The following CUL7 variants were observed in gnomAD, a reference collection of about 807,000 sequenced individuals.
CUL7 encodes cullin-7.
Under a neutral mutation model 177.7 loss-of-function variants are expected in CUL7, and 96 were observed. The ratio of observed to expected loss-of-function variants is 0.54; its 90% CI spans 0.46 to 0.64. The LOEUF (loss-of-function observed/expected upper bound fraction) is 0.64, where lower values mean the gene tolerates loss of function less well. CUL7 is among the 30% of genes least tolerant of loss of function. The pLI is 0.00. For missense variants in CUL7, 1,893 were observed against 2,187.9 expected (o/e 0.87, Z 2.69); for synonymous variants, 824 against 890.2 (o/e 0.93, Z 1.32).
In CUL7 at chr6:43,038,252, C is replaced by A. The variant is rs1384964923; in HGVS notation, c.4773+15G>T. The stretch of plus-strand genomic sequence containing the variant: ...CAGCAAAGATCTGTCACCCATTGTG[C>A]CCACCCCTGCCTACCAGACAGACAA... On this transcript the variant is annotated intron_variant, in intron 25 of 25. Transcript: ENST00000265348. The A allele has an allele frequency of 6.2e-7, 1 of 1,613,560 alleles. No homozygotes were observed. Among genetic ancestry groups the A allele is most frequent in the African/African-American group, 1.3e-5 (1 of 74,906 alleles).
Position 43,049,935 on chromosome 6 carries a change from C to T in CUL7, c.1569+28G>A, listed in dbSNP as rs1325012718. 8 of 1,605,206 alleles carry T rather than the reference C, an allele frequency of 5.0e-6. No homozygotes were observed. The Admixed American group carries it at 5.0e-5, about 10-fold the overall frequency. On this transcript the variant is annotated intron_variant, in intron 6 of 25. Coordinates refer to ENST00000265348, the MANE Select transcript of CUL7 (RefSeq NM_014780.5). ...CAGCCCTTGCAATAGAGCCCTCCAA[C>T]CTCTGAGTGTCTCCAGGCTGGCTCT...
chr6:43,046,464 C>T, intron 11 of CUL7, 47 bp downstream of exon 11: 3 of 1,614,110 alleles, frequency 1.9e-6, no homozygotes, highest in Non-Finnish European at 1.7e-6. Context: ...AGAGGGGAAA[C>T]AGACATAGGT....
At position 43,048,159 on chromosome 6, in the gene CUL7, T is replaced by C. The variant is rs1581944836; in HGVS notation, c.2158A>G (p.Thr720Ala). 4 of 1,611,020 alleles carry C rather than the reference T, an allele frequency of 2.5e-6. No individual in the cohort carries two copies. Among genetic ancestry groups the C allele is most frequent in the South Asian group, 1.1e-5 (1 of 90,994 alleles). ...ACMACLRSPN[T>A]DREVLQELIF... ...CAGGGCAGGGGTACCTCTCGATCAG[T>C]GTTTGGGGACCGCAGGCAGGCCATG... Residue 720 changes from threonine (T) to alanine (A), a missense_variant, in exon 9 of 26, where the codon ACT (threonine) becomes GCT (alanine). Thr to Ala is a moderately conservative substitution (Grantham distance 58). This residue lies in a region of CUL7 where 973 missense variants were observed against 1,140.9 expected (regional missense o/e 0.85). Transcript: ENST00000265348.
At position 43,051,514 on chromosome 6, in the gene CUL7, A is replaced by G. The variant is rs927579582; in HGVS notation, c.733-46T>C. On this transcript the variant is annotated intron_variant, in intron 3 of 25. Transcript: ENST00000265348. This position sits in a 1 kb window ranked among gnomAD's most constrained non-coding sequence, Gnocchi z 5.0. Reference sequence around the variant, plus strand: ...CCTATATCCACCTTGTCCCAGTTTAAGCCCCTCTCTCCATACCATCCTCTG... The same window carrying G: ...CCTATATCCACCTTGTCCCAGTTTAGGCCCCTCTCTCCATACCATCCTCTG... 6.2e-7 allele frequency: 1 copy of G among 1,613,860 alleles called. No individual in the cohort carries two copies. Among genetic ancestry groups the G allele is most frequent in the African/African-American group, 1.3e-5 (1 of 74,898 alleles).
chr6:43,045,036 C>T lies in CUL7; in HGVS notation c.3039-151G>A. Reference sequence around the variant, plus strand: ...CTGCTCTGTGCTAACTGGTATATCCCATTCCCAGCCCACTGGAGAAATCTT... The same window carrying T: ...CTGCTCTGTGCTAACTGGTATATCCTATTCCCAGCCCACTGGAGAAATCTT... On this transcript the variant is annotated intron_variant, in intron 15 of 25. Transcript: ENST00000265348. The surrounding 1 kb of genome is among the most constrained non-coding windows in gnomAD (Gnocchi z 4.8). 7.3e-7 allele frequency: 1 copy of T among 1,364,064 alleles called. No homozygotes were observed. Among genetic ancestry groups the T allele is most frequent in the Non-Finnish European group, 1.0e-6 (1 of 992,448 alleles). 84.5% of individuals were successfully genotyped at this position (1,364,064 alleles called of 1,614,324 possible).
Position 43,049,943 on chromosome 6 carries a change from T to C in CUL7, c.1569+20A>G. 6.2e-7 allele frequency: 1 copy of C among 1,608,386 alleles called. No individual in the cohort carries two copies. The highest frequency in any genetic ancestry group is 1.8e-4 in the Middle Eastern group (1 of 5,676). On this transcript the variant is annotated intron_variant, in intron 6 of 25. Coordinates refer to ENST00000265348, the MANE Select transcript of CUL7 (RefSeq NM_014780.5). ...GCAATAGAGCCCTCCAACCTCTGAG[T>C]GTCTCCAGGCTGGCTCTACCTCCCC... is the stretch of plus-strand genomic sequence containing the variant.
chr6:43,049,697 C>T, intron 6 of CUL7, 35 bp from the exon 7 acceptor site: 1 of 1,612,316 alleles, frequency 6.2e-7, no homozygotes, highest in Non-Finnish European at 8.5e-7. Flanking sequence ...TGCAGACAGC[C>T]CTGCCGACCC....
Position 43,045,495 on chromosome 6 carries a change from G to A in CUL7, c.2862+92C>T, listed in dbSNP as rs921909108. 4.1e-5 allele frequency: 66 copies of A among 1,612,498 alleles called. No individual in the cohort carries two copies. The highest frequency in any genetic ancestry group is 5.1e-5 in the Non-Finnish European group (60 of 1,178,842). On this transcript the variant is annotated intron_variant, in intron 14 of 25. Coordinates refer to ENST00000265348, the MANE Select transcript of CUL7 (RefSeq NM_014780.5). This position sits in a 1 kb window ranked among gnomAD's most constrained non-coding sequence, Gnocchi z 4.8. ...TCGAACCTCACCCCTGGAGCTGCTC[G>A]AGACCCAGGCTGGTCCTCTGGCTTA...
At chr6:43,041,587 T>C (rs960818884) in intron 19 of CUL7, among the ~76,000 whole-genome samples, 1 of 143,164 alleles carries the variant, frequency 7.0e-6, no homozygotes, top group African/African-American at 2.6e-5. Flanking sequence ...TGGGAGGGAG[T>C]AAGACCCTGT....
chr6:43,051,589 C>A lies in CUL7; in HGVS notation c.732+23G>T, dbSNP rs138219791. ...CTAGATCTTGTTCACAAGTTCCCCC[C>A]ACCTTACACCCCCAAAGGTTACCTG... On this transcript the variant is annotated intron_variant, in intron 3 of 25. Transcript: ENST00000265348. This position sits in a 1 kb window ranked among gnomAD's most constrained non-coding sequence, Gnocchi z 5.0. 2,880 of 1,614,110 alleles carry A rather than the reference C, an allele frequency of 1.8e-3. 16 individuals carry two copies. Among genetic ancestry groups the A allele is most frequent in the Middle Eastern group, 0.014 (82 of 6,062 alleles).
intron 19 of CUL7, among the ~76,000 whole-genome samples, chr6:43,042,260 C>A (rs948182149): frequency 6.6e-6 from 1 of 152,130 alleles, no homozygotes; most frequent in African/African-American, 2.4e-5. Flanking sequence ...CAAGGAGCCT[C>A]ATGTTCCTGC....
In CUL7 at chr6:43,051,968, C is replaced by A. The variant is rs1764449696; in HGVS notation, c.581-205G>T. 3.3e-6 allele frequency: 3 copies of A among 916,692 alleles called. No individual in the cohort carries two copies. Among genetic ancestry groups the A allele is most frequent in the African/African-American group, 3.3e-5 (2 of 60,018 alleles). The allele number at this position is 916,692 out of a possible 1,614,324, so 56.8% of individuals were successfully genotyped here. ...TCTACAATAGTCTAAACTCTAAATT[C>A]TTCCTTTGCATAAAAAGCAACTAAT... On this transcript the variant is annotated intron_variant, in intron 2 of 25. Transcript: ENST00000265348. The surrounding 1 kb of genome is among the most constrained non-coding windows in gnomAD (Gnocchi z 5.0).
Position 43,048,134 on chromosome 6 carries a change from C to T in CUL7, c.2169+14G>A. 6 of 1,569,732 alleles carry T rather than the reference C, an allele frequency of 3.8e-6. No homozygotes were observed. The highest frequency in any genetic ancestry group is 5.3e-6 in the Non-Finnish European group (6 of 1,142,474). On this transcript the variant is annotated intron_variant, in intron 9 of 25. Transcript: ENST00000265348. ...CCTCTCCCCCAGCCTCTCCCCAGAG[C>T]AGGGCAGGGGTACCTCTCGATCAGT...
rs748671828 is a variant in CUL7 at position 43,046,030 on chromosome 6, A to C, written c.2722T>G (p.Cys908Gly). The C allele has an allele frequency of 3.2e-5, 51 of 1,613,944 alleles. No homozygotes were observed. Among genetic ancestry groups the C allele is most frequent in the Middle Eastern group, 1.6e-4 (1 of 6,084 alleles). Reference sequence around the variant, plus strand: ...AGAGAGCTAGTGCTATCACCCCCGCACACCACCACTCGGGCCGGCATGTAA... The same window carrying C: ...AGAGAGCTAGTGCTATCACCCCCGCCCACCACCACTCGGGCCGGCATGTAA... ...SSYMPARVVV[C>G]GGDSTSSLHT... The change falls in exon 13 of 26, where the codon TGC becomes GGC. Residue 908 changes from cysteine (C) to glycine (G), a missense_variant. Cys to Gly is a radical substitution (Grantham distance 159, BLOSUM62 -3). Coordinates refer to ENST00000265348, the MANE Select transcript of CUL7 (RefSeq NM_014780.5).
chr6:43,043,280 G>A lies in CUL7; in HGVS notation c.3356-100C>T, dbSNP rs1261666756. 5 of 1,210,266 alleles carry A rather than the reference G, an allele frequency of 4.1e-6. No individual in the cohort carries two copies. The highest frequency in any genetic ancestry group is 6.0e-6 in the Non-Finnish European group (5 of 831,708). The allele number at this position is 1,210,266 out of a possible 1,614,324, so 75.0% of individuals were successfully genotyped here. On this transcript the variant is annotated intron_variant, in intron 17 of 25. Coordinates refer to ENST00000265348, the MANE Select transcript of CUL7 (RefSeq NM_014780.5). This position sits in a 1 kb window ranked among gnomAD's most constrained non-coding sequence, Gnocchi z 4.2. ...TCCCTGAGGCCTTTCCTGACATGCT[G>A]CCACCCAAAATGATGTTCATGGATG...
chr6:43,037,990 C>T lies in CUL7; in HGVS notation c.4795G>A (p.Gly1599Ser). The T allele has an allele frequency of 6.3e-7, 1 of 1,593,838 alleles. No individual in the cohort carries two copies. Among genetic ancestry groups the T allele is most frequent in the East Asian group, 2.2e-5 (1 of 44,682 alleles). The change falls in exon 26 of 26, where the codon GGC (glycine) becomes AGC (serine). Residue 1599 changes from glycine (G) to serine (S), a missense_variant. This residue lies in a region of CUL7 where 248 missense variants were observed against 262.5 expected (regional missense o/e 0.94). Transcript: ENST00000265348. Reference sequence around the variant, plus strand: ...ACCAAACCCCTGGGAGGACACGGGCCCTTCTGCCAAGCCTCCAGCACCTGG... The same window carrying T: ...ACCAAACCCCTGGGAGGACACGGGCTCTTCTGCCAAGCCTCCAGCACCTGG... ...VCLVLEAWQK[G>S]PCPPRGLVSS...
In CUL7 at chr6:43,049,902, A is replaced by G. The variant is rs1019235141; in HGVS notation, c.1569+61T>C. 17 of 1,515,494 alleles carry G rather than the reference A, an allele frequency of 1.1e-5. No homozygotes were observed. The Admixed American group carries it at 1.2e-4, about 10-fold the overall frequency. The allele number at this position is 1,515,494 out of a possible 1,614,324, so 93.9% of individuals were successfully genotyped here. ...TCATCCTGAGCCTTCCAAATGCTCT[A>G]TACAGTCCAGCCCTTGCAATAGAGC... On this transcript the variant is annotated intron_variant, in intron 6 of 25. Transcript: ENST00000265348.
At position 43,050,871 on chromosome 6, in the gene CUL7, T is replaced by G. The variant is rs1449951070; in HGVS notation, c.1233+97A>C. 1 of 1,468,284 alleles carries G rather than the reference T, an allele frequency of 6.8e-7. No individual in the cohort carries two copies. Among genetic ancestry groups the G allele is most frequent in the East Asian group, 2.3e-5 (1 of 44,076 alleles). 91.0% of individuals were successfully genotyped at this position (1,468,284 alleles called of 1,614,324 possible). ...TTCCAATCTTACCTAAAGCTTTCTCTTTGGGTGGCCTGCTGGAGCCCCCCC... is the reference window on the plus strand; with the variant it reads ...TTCCAATCTTACCTAAAGCTTTCTCGTTGGGTGGCCTGCTGGAGCCCCCCC... On this transcript the variant is annotated intron_variant, in intron 4 of 25. Transcript: ENST00000265348. The surrounding 1 kb of genome is among the most constrained non-coding windows in gnomAD (Gnocchi z 4.1).
In CUL7 at chr6:43,043,108, A is replaced by G; in HGVS notation, c.3428T>C (p.Leu1143Pro). The change falls in exon 18 of 26, where the codon CTG becomes CCG. Residue 1143 changes from leucine (L) to proline (P), a missense_variant. Coordinates refer to ENST00000265348, the MANE Select transcript of CUL7 (RefSeq NM_014780.5). The surrounding 1 kb of genome is among the most constrained non-coding windows in gnomAD (Gnocchi z 4.2). The part of the protein sequence containing the change: ...RGLPSSIMRN[L>P]TRCWRAVVEK... ...CACCACGGCCCGCCAACAGCGCGTCAGGTTTCTCATGATGCTGCTTGGAAG... is the reference window on the plus strand; with the variant it reads ...CACCACGGCCCGCCAACAGCGCGTCGGGTTTCTCATGATGCTGCTTGGAAG... 6.2e-7 allele frequency: 1 copy of G among 1,614,098 alleles called. No homozygotes were observed.
Sources: allele counts gnomAD v4.1 joint callset (sites outside exome capture counted in the v4.1 genomes callset), GRCh38; gene constraint gnomAD v4.1.1; regional missense constraint gnomAD v4.1.1; non-coding constraint Gnocchi (gnomAD v3.1); transcripts MANE v1.5; gene names NCBI Gene and HGNC (gene_info 2026-07-23, HGNC 2026-07-21).